The following CNNM4 variants were observed in gnomAD, a reference collection of about 807,000 sequenced individuals.
CNNM4 encodes cyclin and CBS domain divalent metal cation transport mediator 4.
Under a neutral mutation model 53.7 loss-of-function variants are expected in CNNM4, and 32 were observed. The observed-to-expected ratio is 0.60, with a 90% CI of 0.45 to 0.80. The LOEUF (loss-of-function observed/expected upper bound fraction) is 0.80, where lower values mean the gene tolerates loss of function less well. CNNM4 is among the 30% of genes least tolerant of loss of function. The pLI is 0.00. For missense variants in CNNM4, 784 were observed against 1,022.0 expected (o/e 0.77, Z 3.17); for synonymous variants, 410 against 440.0 (o/e 0.93, Z 0.85).
chr2:96,770,082 A>G (rs1574054995), intron 1 of CNNM4, among the ~76,000 whole-genome samples: 1 of 152,214 alleles, frequency 6.6e-6, no homozygotes, highest in South Asian at 2.1e-4. Flanking sequence ...GGCTGGCCCC[A>G]TGCAGCCTAT....
rs370563758 is a variant in CNNM4 at position 96,808,528 on chromosome 2, C to T, written c.1949-33C>T. ...AGGGTGAGAGTGGGCATCGGAGTGG[C>T]CTTTGGCATGACAACCTCTGCTCTC... On this transcript the variant is annotated intron_variant, in intron 5 of 6. Coordinates refer to ENST00000377075, the MANE Select transcript of CNNM4 (RefSeq NM_020184.4). The surrounding 1 kb of genome is among the most constrained non-coding windows in gnomAD (Gnocchi z 4.9). 2.5e-6 allele frequency: 4 copies of T among 1,612,736 alleles called. No homozygotes were observed. The African/African-American group carries it at 5.3e-5, about 22-fold the overall frequency.
Position 96,810,581 on chromosome 2 carries a change from C to T in CNNM4, c.*1064C>T, listed in dbSNP as rs1255615251. ...GACTTGTTGACTGAAGCCTTTTTCC[C>T]AGACCCCTTATTTCGAATCCCCAAG... On this transcript the variant is annotated 3_prime_UTR_variant, in exon 7 of 7. Coordinates refer to ENST00000377075, the MANE Select transcript of CNNM4 (RefSeq NM_020184.4). The surrounding 1 kb of genome is among the most constrained non-coding windows in gnomAD (Gnocchi z 4.1). The T allele has an allele frequency of 1.3e-5, 2 of 152,580 alleles. No homozygotes were observed. The highest frequency in any genetic ancestry group is 6.5e-5 in the Admixed American group (1 of 15,282). The allele number at this position is 152,580 out of a possible 1,614,324, so 9.5% of individuals were successfully genotyped here.
intron 1 of CNNM4, among the ~76,000 whole-genome samples, chr2:96,785,955 C>T (rs552396027): frequency 4.6e-5 from 7 of 151,674 alleles, no homozygotes; most frequent in Non-Finnish European, 5.9e-5. Flanking sequence ...GGCATGGTGG[C>T]GGGCGCCTAT....
Position 96,799,077 on chromosome 2 carries a change from TC to T in CNNM4, c.1705del (p.Leu569Ter). 1 of 1,614,106 alleles carries T rather than the reference TC, an allele frequency of 6.2e-7. No individual in the cohort carries two copies. The highest frequency in any genetic ancestry group is 1.1e-5 in the South Asian group (1 of 91,088). ...TACAGAGGTCTCTCAGTTTAGCCCCTCCCTGATATCAGAGAAGATCCTGCTG... is the reference window on the plus strand; with the variant it reads ...TACAGAGGTCTCTCAGTTTAGCCCCTCCTGATATCAGAGAAGATCCTGCTG... ...LATEVSQFSP[S>X]LISEKILLRL... On this transcript the variant is annotated frameshift_variant, in exon 4 of 7. Coordinates refer to ENST00000377075, the MANE Select transcript of CNNM4 (RefSeq NM_020184.4). LOFTEE classifies it high-confidence loss of function.
At chr2:96,793,353 G>C (rs752250657) in intron 1 of CNNM4, among the ~76,000 whole-genome samples, 1 of 152,178 alleles carries the variant, frequency 6.6e-6, no homozygotes, top group Non-Finnish European at 1.5e-5. Context: ...AACAGCCCAG[G>C]GGCCCAAAGC....
At chr2:96,787,714 A>C (rs1158811937) in intron 1 of CNNM4, among the ~76,000 whole-genome samples, 1 of 152,118 alleles carries the variant, frequency 6.6e-6, no homozygotes, top group East Asian at 1.9e-4. Flanking sequence ...TTTAAAAATT[A>C]GCTGAGCTTA....
At position 96,797,271 on chromosome 2, in the gene CNNM4, C is replaced by T. The variant is rs1489856629; in HGVS notation, c.1546+116C>T. 2 of 1,478,974 alleles carry T rather than the reference C, an allele frequency of 1.4e-6. No individual in the cohort carries two copies. The highest frequency in any genetic ancestry group is 1.4e-5 in the African/African-American group (1 of 72,376). The allele number at this position is 1,478,974 out of a possible 1,614,324, so 91.6% of individuals were successfully genotyped here. A position where few individuals can be genotyped will look rare whatever the true frequency, so the allele number is the denominator to read the frequency against. ...ACAGGAGGCCTAGCATCCAGAGGCC[C>T]AGTGGCTGGGTGCCCTGCACTGGCC... On this transcript the variant is annotated intron_variant, in intron 2 of 6. Transcript: ENST00000377075. The surrounding 1 kb of genome is among the most constrained non-coding windows in gnomAD (Gnocchi z 6.0).
chr2:96,809,016 T>TC (rs1441553318), intron 6 of CNNM4, among the ~76,000 whole-genome samples: 8 of 150,990 alleles, frequency 5.3e-5, no homozygotes, highest in African/African-American at 2.0e-4. Context: ...TTTTTTTTTT[T>TC]CCCCTTATAG....
chr2:96,773,357 G>A (rs1028678229), intron 1 of CNNM4, among the ~76,000 whole-genome samples: 11 of 152,168 alleles, frequency 7.2e-5, no homozygotes, highest in Non-Finnish European at 1.2e-4. Flanking sequence ...TAATCATGCT[G>A]TAAATATTAG....
intron 1 of CNNM4, among the ~76,000 whole-genome samples, chr2:96,794,156 C>T (rs976955537): frequency 3.3e-5 from 5 of 152,116 alleles, no homozygotes; most frequent in African/African-American, 1.2e-4. Flanking sequence ...ACCCCCATTC[C>T]CTGGGGCTCG....
At chr2:96,784,835 A>G (rs1281270638) in intron 1 of CNNM4, among the ~76,000 whole-genome samples, 2 of 152,210 alleles carry the variant, frequency 1.3e-5, no homozygotes, top group Non-Finnish European at 2.9e-5. Flanking sequence ...GAGGTTGACC[A>G]TGTCCTGTGC....
chr2:96,798,413 C>T (rs983868423), intron 3 of CNNM4: 13 of 165,720 alleles, frequency 7.8e-5, no homozygotes, highest in Middle Eastern at 6.0e-4. Flanking sequence ...TCTTACTCTC[C>T]AGCTCTCCCC....
rs115928718 is a variant in CNNM4, at chr2:96,782,864, G to A, written c.1403-14148G>A. Among the ~76,000 whole-genome samples the A allele has an allele frequency of 5.6e-3, 859 of 152,216 alleles. 3 individuals are homozygous for A. The highest frequency in any genetic ancestry group is 0.02 in the African/African-American group (817 of 41,526). On this transcript the variant is annotated intron_variant, in intron 1 of 6. Transcript: ENST00000377075. ...ATGTATTTCAGCAAAGTATTTAACAGAATTTCGGTTAAGTCTTTAGGATCA... is the reference window on the plus strand; with the variant it reads ...ATGTATTTCAGCAAAGTATTTAACAAAATTTCGGTTAAGTCTTTAGGATCA...
At chr2:96,786,725 G>A (rs2079019171) in intron 1 of CNNM4, among the ~76,000 whole-genome samples, 1 of 144,720 alleles carries the variant, frequency 6.9e-6, no homozygotes, top group South Asian at 2.1e-4. Context: ...GTTGCAGTGA[G>A]CTGGGATCGC....
At chr2:96,795,034 A>G (rs991962037) in intron 1 of CNNM4, among the ~76,000 whole-genome samples, 4 of 152,248 alleles carry the variant, frequency 2.6e-5, no homozygotes, top group Non-Finnish European at 2.9e-5. Context: ...GGGATGCCCA[A>G]TGGCGTGTAT....
At position 96,808,723 on chromosome 2, in the gene CNNM4, T is replaced by C; in HGVS notation, c.2111T>C (p.Val704Ala). The C allele has an allele frequency of 1.2e-6, 2 of 1,614,182 alleles. No homozygotes were observed. Among genetic ancestry groups the C allele is most frequent in the East Asian group, 4.5e-5 (2 of 44,876 alleles). Residue 704 changes from valine (V) to alanine (A), a missense_variant, in exon 6 of 7, where the codon GTG (valine) becomes GCG (alanine). Physicochemically the swap from Val to Ala is moderately conservative, Grantham distance 64 (BLOSUM62 0). Around this residue, in one of 3 missense-constraint regions of CNNM4, gnomAD observed 307 missense variants for 376.3 expected, o/e 0.82. Transcript: ENST00000377075. This position sits in a 1 kb window ranked among gnomAD's most constrained non-coding sequence, Gnocchi z 4.9. ...TCTGACTTCAGCGTCCGGGCACTCG[T>C]GGACTTGCAGTACATCAAGGTGAGT... ...YISDFSVRAL[V>A]DLQYIKITRQ...
rs1273936859 is a variant in CNNM4 at position 96,801,609 on chromosome 2, C to CA, written c.1948+1961_1948+1962insA. On this transcript the variant is annotated intron_variant, in intron 5 of 6. Coordinates refer to ENST00000377075, the MANE Select transcript of CNNM4 (RefSeq NM_020184.4). The surrounding 1 kb of genome is among the most constrained non-coding windows in gnomAD (Gnocchi z 5.6). ...CACAGAGAGACCACACACACAGAGACCACACACAGAGACCACACGCAGAGA... is the reference window on the plus strand; with the variant it reads ...CACAGAGAGACCACACACACAGAGACACACACACAGAGACCACACGCAGAGA... 1.5e-4 allele frequency among the ~76,000 whole-genome samples: 21 copies of CA among 141,376 alleles called. No homozygotes were observed. Among genetic ancestry groups the CA allele is most frequent in the African/African-American group, 5.5e-4 (20 of 36,512 alleles). The allele number at this position is 141,376 out of a possible 152,430, so 92.7% of individuals were successfully genotyped here.
At chr2:96,809,119 GGT>G (rs1255089812) in intron 6 of CNNM4, 199 bp from the exon 7 acceptor site, 19 of 1,176,526 alleles carry the variant, frequency 1.6e-5, no homozygotes, top group Non-Finnish European at 2.3e-5. Flanking sequence ...TGGGATTACA[GGT>G]GTGAGCCACT....
intron 1 of CNNM4, among the ~76,000 whole-genome samples, chr2:96,765,004 G>A (rs2078801236): frequency 9.8e-6 from 1 of 102,226 alleles, no homozygotes; most frequent in South Asian, 3.6e-4. Flanking sequence ...AAAGAGTTTA[G>A]GAGTCTGGTG....
Sources: allele counts gnomAD v4.1 joint callset (sites outside exome capture counted in the v4.1 genomes callset), GRCh38; gene constraint gnomAD v4.1.1; regional missense constraint gnomAD v4.1.1; non-coding constraint Gnocchi (gnomAD v3.1); transcripts MANE v1.5; gene names NCBI Gene and HGNC (gene_info 2026-07-23, HGNC 2026-07-21).